The following PTPRO variants were observed in gnomAD, a reference collection of about 807,000 sequenced individuals.
PTPRO encodes the protein receptor-type tyrosine-protein phosphatase O.
Under a neutral mutation model 145.2 loss-of-function variants are expected in PTPRO, and 62 were observed. That is an observed-to-expected ratio of 0.43 (90% CI 0.35 to 0.53). The LOEUF (loss-of-function observed/expected upper bound fraction) is 0.53. PTPRO is among the 20% of genes least tolerant of loss of function. PTPRO has a pLI of 0.01. For missense variants in PTPRO, 1,345 were observed against 1,482.7 expected (o/e 0.91, Z 1.53); for synonymous variants, 565 against 514.7 (o/e 1.10, Z -1.32).
intron 1 of PTPRO, among the ~76,000 whole-genome samples, chr12:15,395,143 G>A (rs1939300290): frequency 1.3e-5 from 2 of 152,218 alleles, no homozygotes; most frequent in East Asian, 3.8e-4. Flanking sequence ...AATGAAATGA[G>A]GCAAATAGTT....
intron 7 of PTPRO, among the ~76,000 whole-genome samples, chr12:15,512,930 G>T (rs1165978737): frequency 1.3e-5 from 2 of 151,926 alleles, no homozygotes; most frequent in East Asian, 3.9e-4. Flanking sequence ...GGAGGCAGAG[G>T]TTGCAGTGAG....
rs368434218 is a variant in PTPRO, at chr12:15,501,720, A to G, written c.762A>G (p.Arg254=). 2 of 1,613,856 alleles carry G rather than the reference A, an allele frequency of 1.2e-6. No homozygotes were observed. The highest frequency in any genetic ancestry group is 2.7e-5 in the African/African-American group (2 of 74,938). ...ATTTCCCAGAAGAATCCTTCATGAG[A>G]TCACAAGATACAATAGGAAAAGAAA... The part of the protein sequence containing the change: ...SGNFPEESFM[R]SQDTIGKEKL... Residue 254 remains arginine (R), a synonymous_variant, in exon 5 of 27, where the codon AGA becomes AGG. Transcript: ENST00000281171.
intron 10 of PTPRO, among the ~76,000 whole-genome samples, chr12:15,521,917 A>G (rs1483480071): frequency 1.3e-5 from 2 of 152,174 alleles, no homozygotes; most frequent in Non-Finnish European, 1.5e-5. Flanking sequence ...TCAATAAACT[A>G]TGGTTAATAG....
At chr12:15,495,491 T>C (rs1007584568) in intron 2 of PTPRO, among the ~76,000 whole-genome samples, 3 of 151,778 alleles carry the variant, frequency 2.0e-5, no homozygotes, top group African/African-American at 7.3e-5. Flanking sequence ...ACTAAGGACA[T>C]TTCTTTAGGT....
intron 3 of PTPRO, among the ~76,000 whole-genome samples, chr12:15,499,066 T>C (rs577103209): frequency 1.0e-3 from 158 of 152,294 alleles, no homozygotes; most frequent in Non-Finnish European, 1.8e-3. Flanking sequence ...AAAATTGCTC[T>C]TTTTTTAGGT....
chr12:15,488,448 T>A (rs763725479), intron 2 of PTPRO, among the ~76,000 whole-genome samples: 2 of 152,200 alleles, frequency 1.3e-5, no homozygotes, highest in Non-Finnish European at 2.9e-5. Flanking sequence ...AGATAAATTT[T>A]GAGCTCTGAA....
At chr12:15,410,582 T>C (rs921049542) in intron 1 of PTPRO, 10 of 152,220 alleles carry the variant, frequency 6.6e-5, no homozygotes, top group African/African-American at 1.9e-4. Context: ...CATGTCCAGA[T>C]TGCAGACAGC....
chr12:15,516,911 C>T lies in PTPRO; in HGVS notation c.1734C>T (p.Thr578=). The stretch of plus-strand genomic sequence containing the variant: ...CTGCTACAATGACATCAGAGTGGAC[C>T]ACCTACTATGAAATAGCAGCAACTG... The part of the protein sequence containing the change: ...FNPATMTSEW[T]TYYEIAATVS... The change falls in exon 9 of 27, where the codon ACC becomes ACT. Residue 578 remains threonine, a synonymous_variant. Transcript: ENST00000281171. 1.2e-6 allele frequency: 2 copies of T among 1,613,928 alleles called. No homozygotes were observed. Among genetic ancestry groups the T allele is most frequent in the South Asian group, 2.2e-5 (2 of 91,076 alleles).
chr12:15,394,663 C>T (rs764684538), intron 1 of PTPRO, among the ~76,000 whole-genome samples: 17 of 152,142 alleles, frequency 1.1e-4, no homozygotes, highest in Non-Finnish European at 2.2e-4. Flanking sequence ...TTCTGATTAC[C>T]ATCTTTGCTG....
At chr12:15,515,739 T>C (rs1460011179) in intron 8 of PTPRO, 121 bp downstream of exon 8, 2 of 1,267,952 alleles carry the variant, frequency 1.6e-6, no homozygotes, top group South Asian at 1.2e-5. Context: ...GTTCATCCAA[T>C]ATGCTACCTT....
At chr12:15,341,403 C>T (rs1866979844) in intron 1 of PTPRO, among the ~76,000 whole-genome samples, 1 of 152,132 alleles carries the variant, frequency 6.6e-6, no homozygotes, top group South Asian at 2.1e-4. Context: ...ATACCCCCTC[C>T]TCTGTAAATT....
At chr12:15,472,243 C>A (rs1201130867) in intron 1 of PTPRO, among the ~76,000 whole-genome samples, 2 of 152,168 alleles carry the variant, frequency 1.3e-5, no homozygotes, top group Admixed American at 6.5e-5. Flanking sequence ...CAGCATCTTA[C>A]CTGCCTGAAC....
At chr12:15,460,484 T>A (rs984409074) in intron 1 of PTPRO, among the ~76,000 whole-genome samples, 1 of 152,174 alleles carries the variant, frequency 6.6e-6, no homozygotes, top group Non-Finnish European at 1.5e-5. Context: ...TCCCTTATTT[T>A]AAAATAATAA....
intron 5 of PTPRO, 93 bp from the exon 6 acceptor site, chr12:15,503,815 A>G: frequency 9.9e-7 from 1 of 1,013,710 alleles, no homozygotes; most frequent in Admixed American, 2.4e-5. Context: ...AACATTTAAA[A>G]CACCTAATTT....
At chr12:15,547,987 A>G (rs1943339884) in intron 13 of PTPRO, among the ~76,000 whole-genome samples, 1 of 152,196 alleles carries the variant, frequency 6.6e-6, no homozygotes, top group Non-Finnish European at 1.5e-5. Context: ...ACTCAAGAAT[A>G]AGTTAATACT....
intron 1 of PTPRO, among the ~76,000 whole-genome samples, chr12:15,470,476 C>A (rs1392354717): frequency 1.3e-5 from 2 of 152,170 alleles, no homozygotes; most frequent in Non-Finnish European, 2.9e-5. Flanking sequence ...CTACATATCA[C>A]ATAAAATCTT....
intron 1 of PTPRO, among the ~76,000 whole-genome samples, chr12:15,379,999 A>C (rs1938810067): frequency 6.6e-6 from 1 of 152,160 alleles, no homozygotes; most frequent in Admixed American, 6.6e-5. Context: ...CAATGAAGAA[A>C]TGAAGTGCTA....
chr12:15,470,879 GGGCAGACCTGCCAATGTATTTTCTTT>G (rs1466264288), intron 1 of PTPRO, among the ~76,000 whole-genome samples: 1 of 152,154 alleles, frequency 6.6e-6, no homozygotes, highest in Non-Finnish European at 1.5e-5. Flanking sequence ...CTACAGGCTG[GGGCAGACCTGCCAATGTATTTTCTTT>G]GGCTAGCAGG....
At chr12:15,379,059 G>A (rs1275820372) in intron 1 of PTPRO, among the ~76,000 whole-genome samples, 1 of 152,084 alleles carries the variant, frequency 6.6e-6, no homozygotes, top group Non-Finnish European at 1.5e-5. Context: ...AGAGAATTTA[G>A]AACCCTCATA....
Sources: gnomAD v4.1 joint callset for allele counts (sites outside exome capture counted in the v4.1 genomes callset) on GRCh38, gnomAD v4.1.1 for gene constraint, MANE v1.5 for transcripts, NCBI Gene and HGNC (gene_info 2026-07-23, HGNC 2026-07-21) for gene names.